Variants in ATG10 observed in about 807,000 individuals in gnomAD.
ATG10 encodes ubiquitin-like-conjugating enzyme ATG10.
In ATG10, 30 loss-of-function variants were observed where a neutral mutation model predicts 32.1. The ratio of observed to expected loss-of-function variants is 0.94; its 90% CI spans 0.70 to 1.27. The LOEUF (loss-of-function observed/expected upper bound fraction) is 1.27. Ranked by LOEUF, ATG10 falls within the 50% of genes most tolerant of loss-of-function variation. ATG10 has a pLI of 0.00. For synonymous variants in ATG10, 87 were observed against 91.5 expected (o/e 0.95, Z 0.28); for missense variants, 233 against 262.3 (o/e 0.89, Z 0.77).
chr5:82,058,495 G>C lies in ATG10; in HGVS notation c.109G>C (p.Asp37His), dbSNP rs921490586. The C allele has an allele frequency of 1.9e-6, 3 of 1,609,018 alleles. No individual in the cohort carries two copies. Among genetic ancestry groups the C allele is most frequent in the Non-Finnish European group, 1.7e-6 (2 of 1,175,906 alleles). ...TATATTTTTTGGTGATGAAACACAGGACTGTTCTGATGGCTACATGTGCAA... is the reference window on the plus strand; with the variant it reads ...TATATTTTTTGGTGATGAAACACAGCACTGTTCTGATGGCTACATGTGCAA... Reference protein sequence around the residue: ...GDSWEWRPSKDCSDGYMCKIH... With the variant: ...GDSWEWRPSKHCSDGYMCKIH... The change falls in exon 3 of 8, where the codon GAC (aspartate) becomes CAC (histidine). Residue 37 changes from aspartate (D) to histidine (H), a missense_variant and splice_region_variant. By Grantham distance (81) the Asp-to-His change is moderately conservative. Coordinates refer to ENST00000282185, the MANE Select transcript of ATG10 (RefSeq NM_031482.5).
At chr5:82,107,210 C>T (rs1322266597) in intron 3 of ATG10, among the ~76,000 whole-genome samples, 1 of 152,060 alleles carries the variant, frequency 6.6e-6, no homozygotes, top group Non-Finnish European at 1.5e-5. Context: ...ACTGTTTATA[C>T]ATAAAGTCGG....
At chr5:82,009,705 C>T (rs923530695) in intron 2 of ATG10, 27 of 1,588,054 alleles carry the variant, frequency 1.7e-5, no homozygotes, top group Non-Finnish European at 2.2e-5. Context: ...TTTCACTTTG[C>T]CACAGATCAC....
At chr5:82,044,997 A>G (rs918135739) in intron 2 of ATG10, among the ~76,000 whole-genome samples, 18 of 152,086 alleles carry the variant, frequency 1.2e-4, no homozygotes, top group African/African-American at 4.3e-4. Context: ...TGTCTCCCCA[A>G]GTTAGTAATA....
chr5:82,184,920 A>T (rs533637843), intron 5 of ATG10, among the ~76,000 whole-genome samples: 167 of 152,298 alleles, frequency 1.1e-3, no homozygotes, highest in African/African-American at 3.9e-3. Context: ...CAGTCCTTCT[A>T]TGCTCAGAAA....
At chr5:82,085,560 G>A (rs1448005110) in intron 3 of ATG10, among the ~76,000 whole-genome samples, 4 of 151,748 alleles carry the variant, frequency 2.6e-5, no homozygotes, top group East Asian at 1.9e-4. Flanking sequence ...AACGGGTGCA[G>A]CACACCAACA....
intron 2 of ATG10, among the ~76,000 whole-genome samples, chr5:82,002,977 C>G (rs1400452842): frequency 1.3e-5 from 2 of 152,058 alleles, no homozygotes; most frequent in Non-Finnish European, 2.9e-5. Context: ...TTCACGTGAC[C>G]TAAGAACACA....
chr5:82,244,984 C>T (rs1211392743), intron 5 of ATG10, among the ~76,000 whole-genome samples: 3 of 152,192 alleles, frequency 2.0e-5, no homozygotes, highest in African/African-American at 4.8e-5. Flanking sequence ...TAACACAGTT[C>T]ATTGCCTGTG....
chr5:82,088,564 C>T (rs562271308), intron 3 of ATG10, among the ~76,000 whole-genome samples: 2 of 152,172 alleles, frequency 1.3e-5, no homozygotes, highest in African/African-American at 4.8e-5. Context: ...GTGCGTTCCT[C>T]CTTACATATT....
chr5:82,192,966 T>C (rs1744716168), intron 5 of ATG10, among the ~76,000 whole-genome samples: 1 of 152,224 alleles, frequency 6.6e-6, no homozygotes, highest in Non-Finnish European at 1.5e-5. Context: ...GTAGTAAAAT[T>C]TCTTTCTCAG....
chr5:82,179,422 C>CTA (rs1197315397), intron 5 of ATG10, among the ~76,000 whole-genome samples: 2 of 152,016 alleles, frequency 1.3e-5, no homozygotes, highest in Non-Finnish European at 1.5e-5. Flanking sequence ...CTTATGTAAT[C>CTA]TATACTGTTT....
chr5:82,148,987 C>T (rs2149877345), intron 3 of ATG10, among the ~76,000 whole-genome samples: 1 of 152,202 alleles, frequency 6.6e-6, no homozygotes, highest in South Asian at 2.1e-4. Flanking sequence ...AAATTTTCAT[C>T]TACTTTAGTT....
At chr5:82,146,764 T>G (rs547767383) in intron 3 of ATG10, among the ~76,000 whole-genome samples, 1 of 152,280 alleles carries the variant, frequency 6.6e-6, no homozygotes, top group South Asian at 2.1e-4. Flanking sequence ...AATTTCCATT[T>G]TTTTGTACTT....
At chr5:82,111,758 C>T (rs1765629559) in intron 3 of ATG10, among the ~76,000 whole-genome samples, 1 of 151,702 alleles carries the variant, frequency 6.6e-6, no homozygotes, top group Admixed American at 6.6e-5. Context: ...CAAATAGAAA[C>T]TATGAAGGGA....
intron 3 of ATG10, among the ~76,000 whole-genome samples, chr5:82,163,781 G>C (rs1175220537): frequency 6.6e-6 from 1 of 152,104 alleles, no homozygotes; most frequent in African/African-American, 2.4e-5. Context: ...TGTTCAAGTT[G>C]ACATTAATAT....
Position 82,178,578 on chromosome 5 carries a change from T to TA in ATG10, c.445dup (p.Thr149AsnfsTer22). 1 of 1,604,652 alleles carries TA rather than the reference T, an allele frequency of 6.2e-7. No homozygotes were observed. Among genetic ancestry groups the TA allele is most frequent in the Admixed American group, 1.7e-5 (1 of 59,918 alleles). ...TGCTACAGGGACCATGGGACACTAT[T>TA]ACGCAACAGGTTGGAGAGTATTGTC... is the stretch of plus-strand genomic sequence containing the variant. On this transcript the variant is annotated frameshift_variant, in exon 5 of 8. Transcript: ENST00000282185. LOFTEE classifies it high-confidence loss of function.
chr5:82,117,398 G>C (rs764875412), intron 3 of ATG10, among the ~76,000 whole-genome samples: 2 of 152,078 alleles, frequency 1.3e-5, no homozygotes, highest in East Asian at 1.9e-4. Context: ...ATTTATGCAA[G>C]TCATCTGTCA....
intron 5 of ATG10, among the ~76,000 whole-genome samples, chr5:82,180,004 G>GT: frequency 6.6e-6 from 1 of 152,142 alleles, no homozygotes; most frequent in African/African-American, 2.4e-5. Context: ...GGAACAATTA[G>GT]TAAAGCCTCT....
chr5:82,112,668 G>A (rs150473026), intron 3 of ATG10, among the ~76,000 whole-genome samples: 66 of 151,904 alleles, frequency 4.3e-4, no homozygotes, highest in Admixed American at 1.3e-3. Context: ...ATAATCGATT[G>A]TAGAATAAAA....
chr5:82,095,000 T>C (rs1033466720), intron 3 of ATG10, among the ~76,000 whole-genome samples: 1 of 152,180 alleles, frequency 6.6e-6, no homozygotes, highest in Non-Finnish European at 1.5e-5. Flanking sequence ...AGAGGTGATT[T>C]TCATTTTCTA....
Sources: gnomAD v4.1 joint callset for allele counts (sites outside exome capture counted in the v4.1 genomes callset) on GRCh38, gnomAD v4.1.1 for gene constraint, MANE v1.5 for transcripts, NCBI Gene and HGNC (gene_info 2026-07-23, HGNC 2026-07-21) for gene names.